The following TMPRSS15 variants were observed in gnomAD, a reference collection of about 807,000 sequenced individuals.
TMPRSS15 encodes the protein enteropeptidase.
TMPRSS15 carries 128 observed loss-of-function variants against 125.3 expected under a neutral mutation model. That is an observed-to-expected ratio of 1.02 (90% CI 0.89 to 1.18). TMPRSS15 has a LOEUF of 1.18. TMPRSS15 is among the 50% of genes most tolerant of loss of function. TMPRSS15 has a pLI of 0.00. For missense variants in TMPRSS15, 1,283 were observed against 1,212.7 expected, an observed-to-expected ratio of 1.06 and a Z score of -0.86; for synonymous variants, 446 against 423.2, an observed-to-expected ratio of 1.05 and a Z score of -0.66.
In TMPRSS15 at chr21:18,403,373, A is replaced by G. The variant is rs1601446562; in HGVS notation, c.145+105T>C. On this transcript the variant is annotated intron_variant, in intron 1 of 24. Transcript: ENST00000284885. Reference sequence around the variant, plus strand: ...AATATTAGATTGAAAGCCCAAAATAATGCATTTAGTTGGCAATGAATAAAA... The same window carrying G: ...AATATTAGATTGAAAGCCCAAAATAGTGCATTTAGTTGGCAATGAATAAAA... The G allele has an allele frequency of 4.1e-6, 6 of 1,464,030 alleles. No individual in the cohort carries two copies. In the African/African-American group the frequency reaches 4.2e-5, roughly 10 times the overall value. The allele number at this position is 1,464,030 out of a possible 1,614,324, so 90.7% of individuals were successfully genotyped here.
At chr21:18,279,386 T>C (rs113482895) in intron 22 of TMPRSS15, among the ~76,000 whole-genome samples, 4,227 of 132,750 alleles carry the variant, frequency 0.032, 71 homozygotes, top group Middle Eastern at 0.047. Flanking sequence ...AGTGCAGTGG[T>C]GCGATCTCAG....
intron 1 of TMPRSS15, among the ~76,000 whole-genome samples, chr21:18,478,353 C>T (rs1016080950): frequency 2.0e-5 from 3 of 151,984 alleles, no homozygotes; most frequent in African/African-American, 7.2e-5. Flanking sequence ...TCTATTCTAG[C>T]CTCTAGGATA....
At chr21:18,347,347 C>A (rs1478959991) in intron 10 of TMPRSS15, among the ~76,000 whole-genome samples, 1 of 152,072 alleles carries the variant, frequency 6.6e-6, no homozygotes, top group Non-Finnish European at 1.5e-5. Flanking sequence ...AGTGAATCTC[C>A]TGCCTCAGCC....
upstream of TMPRSS15, among the ~76,000 whole-genome samples, chr21:18,404,962 GAGA>G (rs112070114): frequency 5.9e-4 from 89 of 152,088 alleles, no homozygotes; most frequent in African/African-American, 2.0e-3. Flanking sequence ...ATGGACTTGG[GAGA>G]AGTTTATTTT....
intron 13 of TMPRSS15, among the ~76,000 whole-genome samples, chr21:18,332,742 G>A (rs1164527663): frequency 6.6e-6 from 1 of 152,016 alleles, no homozygotes. Flanking sequence ...TCCGCTACTC[G>A]GTATATACCC....
At position 18,362,960 on chromosome 21, in the gene TMPRSS15, T is replaced by C. The variant is rs1051769798; in HGVS notation, c.773+2180A>G. ...CAAACTGTCTCCAATAACTATATTC[T>C]TAACTATTGGCTGTATGCTAACTGT... On this transcript the variant is annotated intron_variant, in intron 7 of 24. Transcript: ENST00000284885. Among the ~76,000 whole-genome samples the C allele has an allele frequency of 4.6e-5, 7 of 152,172 alleles. 1 individual carries two copies. The highest frequency in any genetic ancestry group is 1.7e-4 in the African/African-American group (7 of 41,448).
chr21:18,306,976 A>G (rs1300009628), intron 18 of TMPRSS15, among the ~76,000 whole-genome samples: 1 of 152,210 alleles, frequency 6.6e-6, no homozygotes, highest in Admixed American at 6.5e-5. Context: ...ATCTGAGGGG[A>G]ATTGCATTTT....
chr21:18,372,543 C>T (rs1398217342), intron 5 of TMPRSS15, among the ~76,000 whole-genome samples: 2 of 152,160 alleles, frequency 1.3e-5, no homozygotes, highest in Non-Finnish European at 2.9e-5. Flanking sequence ...ATCACATCAT[C>T]TGCAACATCT....
intron 18 of TMPRSS15, 85 bp downstream of exon 18, chr21:18,312,852 CTTTATAAA>C: frequency 6.7e-7 from 1 of 1,493,708 alleles, no homozygotes; most frequent in Non-Finnish European, 9.1e-7. Context: ...AAATTCATAA[CTTTATAAA>C]TTTTAAAGCT....
chr21:18,315,280 T>C (rs995706758), intron 16 of TMPRSS15, 24 bp from the exon 17 acceptor site: 3 of 1,577,950 alleles, frequency 1.9e-6, no homozygotes, highest in Non-Finnish European at 1.7e-6. Context: ...ATGTTTATTG[T>C]ATAGGATAAA....
chr21:18,270,981 C>A (rs956401021), intron 24 of TMPRSS15, among the ~76,000 whole-genome samples: 3 of 151,876 alleles, frequency 2.0e-5, no homozygotes, highest in Non-Finnish European at 4.4e-5. Context: ...TATTTCAATC[C>A]CAGCTCGATG....
At chr21:18,455,622 C>T (rs1248448778) in intron 1 of TMPRSS15, among the ~76,000 whole-genome samples, 2 of 152,100 alleles carry the variant, frequency 1.3e-5, no homozygotes, top group African/African-American at 4.8e-5. Flanking sequence ...AGGTTTTGAA[C>T]TTTGCTCTTT....
At chr21:18,483,576 C>T (rs1979024632) in intron 1 of TMPRSS15, among the ~76,000 whole-genome samples, 1 of 151,666 alleles carries the variant, frequency 6.6e-6, no homozygotes, top group Non-Finnish European at 1.5e-5. Flanking sequence ...AAATACAAGC[C>T]TCGATTAGAG....
At chr21:18,345,527 G>A (rs908599431) in intron 10 of TMPRSS15, among the ~76,000 whole-genome samples, 5 of 150,870 alleles carry the variant, frequency 3.3e-5, no homozygotes, top group Admixed American at 6.6e-5. Flanking sequence ...GGATCACGAG[G>A]TCAGGAGATC....
intron 10 of TMPRSS15, among the ~76,000 whole-genome samples, chr21:18,351,990 G>C (rs943527376): frequency 6.6e-6 from 1 of 151,980 alleles, no homozygotes; most frequent in Non-Finnish European, 1.5e-5. Flanking sequence ...ACGTTTGTTT[G>C]AATGAGATAG....
intron 16 of TMPRSS15, among the ~76,000 whole-genome samples, chr21:18,321,348 TC>T (rs1259220290): frequency 1.8e-5 from 2 of 109,788 alleles, no homozygotes; most frequent in Non-Finnish European, 1.8e-5. Flanking sequence ...TTTTTTTCCT[TC>T]TTTTTTTTTT....
In TMPRSS15 at chr21:18,415,299, C is replaced by T. The variant is rs150006487; in HGVS notation, c.11-16970G>A. Among the ~76,000 whole-genome samples, 519 of 152,124 alleles carry T rather than the reference C, an allele frequency of 3.4e-3. 4 individuals are homozygous for T. The highest frequency in any genetic ancestry group is 0.024 in the Middle Eastern group (7 of 292). ...CGTTTTGCAAATGTTTTCTCCTATT[C>T]TATAGGTTGCCTTTCAATCTGTTGC... is the stretch of plus-strand genomic sequence containing the variant. On this transcript the variant is annotated intron_variant, in intron 1 of 7. Coordinates refer to the TMPRSS15 transcript ENST00000422787.
chr21:18,413,234 TTC>T (rs72171532), intron 1 of TMPRSS15, among the ~76,000 whole-genome samples: 221 of 143,052 alleles, frequency 1.5e-3, no homozygotes, highest in Non-Finnish European at 2.4e-3. Flanking sequence ...TTCCTTCCTT[TTC>T]TCTCTCTTTC....
At chr21:18,464,841 G>A (rs1978625517) in intron 1 of TMPRSS15, among the ~76,000 whole-genome samples, 1 of 152,230 alleles carries the variant, frequency 6.6e-6, no homozygotes, top group South Asian at 2.1e-4. Flanking sequence ...ACAAAGAGGA[G>A]CTGGTACCAT....
Sources: allele counts gnomAD v4.1 joint callset (sites outside exome capture counted in the v4.1 genomes callset), GRCh38; gene constraint gnomAD v4.1.1; transcripts MANE v1.5; gene names NCBI Gene and HGNC (gene_info 2026-07-23, HGNC 2026-07-21).